The following RASSF6 variants were observed in gnomAD, a reference collection of about 807,000 sequenced individuals.
RASSF6 encodes the protein Ras association domain family member 6.
Under a neutral mutation model 44.0 loss-of-function variants are expected in RASSF6, and 52 were observed. The observed-to-expected ratio is 1.18, with a 90% CI of 0.95 to 1.49. The LOEUF is 1.49. Among genes scored for constraint, RASSF6 ranks in the 40% most tolerant of loss-of-function variants. The probability of loss-of-function intolerance (pLI) is 0.00; values close to 1 mark genes in which losing one functional copy is unlikely to be tolerated. For missense variants in RASSF6, 464 were observed against 393.3 expected (o/e 1.18, Z -1.52); for synonymous variants, 162 against 124.6 (o/e 1.30, Z -2.00).
In RASSF6 at chr4:73,591,127, G is replaced by A. The variant is rs559914941; in HGVS notation, c.287+2324C>T. ...CATACTTCAAAAGAGTTAAATAAGA[G>A]AATTTTTTATATTCTCTATTCTCAC... On this transcript the variant is annotated intron_variant, in intron 4 of 10. Coordinates refer to ENST00000307439, the MANE Select transcript of RASSF6 (RefSeq NM_177532.5). 1.8e-3 allele frequency among the ~76,000 whole-genome samples: 278 copies of A among 152,180 alleles called. 2 individuals carry two copies. Among genetic ancestry groups the A allele is most frequent in the African/African-American group, 6.2e-3 (259 of 41,532 alleles).
intron 1 of RASSF6, among the ~76,000 whole-genome samples, chr4:73,619,689 C>A (rs1485356054): frequency 1.3e-5 from 2 of 152,144 alleles, no homozygotes; most frequent in Admixed American, 6.5e-5. Context: ...TTGAACCTAC[C>A]ACTCTTCTGC....
intron 1 of RASSF6, among the ~76,000 whole-genome samples, chr4:73,617,875 T>A (rs1202750241): frequency 2.6e-5 from 4 of 152,188 alleles, no homozygotes; most frequent in African/African-American, 9.7e-5. Context: ...GGCCTATACT[T>A]GAATATTTTA....
intron 8 of RASSF6, among the ~76,000 whole-genome samples, chr4:73,581,596 C>T (rs1390292215): frequency 1.3e-5 from 2 of 152,182 alleles, no homozygotes; most frequent in African/African-American, 2.4e-5. Flanking sequence ...AACAAGCAAA[C>T]TCTTTCATAT....
At chr4:73,598,170 T>C (rs533534867) in intron 3 of RASSF6, among the ~76,000 whole-genome samples, 75 of 152,350 alleles carry the variant, frequency 4.9e-4, no homozygotes, top group Middle Eastern at 3.4e-3. Context: ...TTCTTTAATA[T>C]TTCAAAATTT....
intron 5 of RASSF6, among the ~76,000 whole-genome samples, chr4:73,587,348 A>G (rs1171074702): frequency 6.6e-6 from 1 of 152,062 alleles, no homozygotes; most frequent in Non-Finnish European, 1.5e-5. Flanking sequence ...AAATAACTCT[A>G]TCAAATATAA....
intron 3 of RASSF6, among the ~76,000 whole-genome samples, chr4:73,596,694 G>A (rs554418416): frequency 4.1e-4 from 62 of 152,222 alleles, no homozygotes; most frequent in Middle Eastern, 3.4e-3. Context: ...AACAAAGCTG[G>A]AGGCATCACA....
chr4:73,606,468 T>C (rs1725642855), intron 2 of RASSF6, among the ~76,000 whole-genome samples: 1 of 152,200 alleles, frequency 6.6e-6, no homozygotes, highest in African/African-American at 2.4e-5. Context: ...TTGGATACTA[T>C]GCCGACTACT....
rs759462356 is a variant in RASSF6 at position 73,615,955 on chromosome 4, A to C, written c.-34-4126T>G. The C allele has an allele frequency of 3.9e-6, 6 of 1,547,384 alleles. No individual in the cohort carries two copies. The South Asian group carries it at 7.1e-5, about 18-fold the overall frequency. On this transcript the variant is annotated intron_variant, in intron 1 of 10. Transcript: ENST00000307439. ...GTGAATTCTAGTACAAATTAAATCA[A>C]ATGGGTCAGTCATTTAAAGTAACTT... is the stretch of plus-strand genomic sequence containing the variant.
At chr4:73,609,711 A>G (rs961068876) in intron 2 of RASSF6, among the ~76,000 whole-genome samples, 2 of 152,192 alleles carry the variant, frequency 1.3e-5, no homozygotes, top group Non-Finnish European at 2.9e-5. Context: ...GAGGGAGCTA[A>G]AAAACTACTT....
At chr4:73,598,866 G>A in intron 2 of RASSF6, 148 bp from the exon 3 acceptor site, 1 of 463,586 alleles carries the variant, frequency 2.2e-6, no homozygotes, top group Non-Finnish European at 3.8e-6. Flanking sequence ...ATAAGTCATT[G>A]GAAGTGGAAG....
At position 73,575,315 on chromosome 4, in the gene RASSF6, T is replaced by A. The variant is rs978727484; in HGVS notation, c.*920A>T. On this transcript the variant is annotated 3_prime_UTR_variant, in exon 11 of 11. Transcript: ENST00000307439. ...TCATTTTTAGTGTTTTTTTTTCAAG[T>A]GGGTTAAACAGATCTGTGAGTACCT... is the stretch of plus-strand genomic sequence containing the variant. 2.0e-5 allele frequency: 3 copies of A among 152,008 alleles called. No homozygotes were observed. The highest frequency in any genetic ancestry group is 7.3e-5 in the African/African-American group (3 of 41,372). 9.4% of individuals were successfully genotyped at this position (152,008 alleles called of 1,614,324 possible).
chr4:73,611,830 C>T lies in RASSF6; in HGVS notation c.-34-1G>A. On this transcript the variant is annotated splice_acceptor_variant, in intron 1 of 10. Coordinates refer to ENST00000307439, the MANE Select transcript of RASSF6 (RefSeq NM_177532.5). LOFTEE classifies it low-confidence loss of function (5UTR_SPLICE). Reference sequence around the variant, plus strand: ...CTTTTTGAGATGGTCTGAGGATATCCTAAACATGAGAATAATATTAATGAT... The same window carrying T: ...CTTTTTGAGATGGTCTGAGGATATCTTAAACATGAGAATAATATTAATGAT... The T allele has an allele frequency of 6.4e-7, 1 of 1,572,780 alleles. No homozygotes were observed. The highest frequency in any genetic ancestry group is 8.7e-7 in the Non-Finnish European group (1 of 1,143,776).
At chr4:73,582,600 T>C (rs1009609651) in intron 6 of RASSF6, among the ~76,000 whole-genome samples, 5 of 152,136 alleles carry the variant, frequency 3.3e-5, no homozygotes, top group Non-Finnish European at 7.4e-5. Flanking sequence ...TGTCACCAGA[T>C]GCATATTTAA....
chr4:73,576,632 G>A lies in RASSF6; in HGVS notation c.821C>T (p.Ala274Val). ...TCATACATCACTGCTAATTTCTTCT[G>A]CATCTTTATCCATGAGGAAAATGCG... ...NARIFLMDKD[A>V]EEISSDVAQY... The change falls in exon 9 of 11, where the codon GCA becomes GTA. Residue 274 changes from alanine (A) to valine (V), a missense_variant. Ala to Val is a moderately conservative substitution (Grantham distance 64, BLOSUM62 0). Coordinates refer to ENST00000307439, the MANE Select transcript of RASSF6 (RefSeq NM_177532.5). 6.2e-7 allele frequency: 1 copy of A among 1,612,626 alleles called. No homozygotes were observed. Among genetic ancestry groups the A allele is most frequent in the Non-Finnish European group, 8.5e-7 (1 of 1,178,818 alleles).
At chr4:73,601,527 G>T (rs1268092375) in intron 2 of RASSF6, among the ~76,000 whole-genome samples, 4 of 152,202 alleles carry the variant, frequency 2.6e-5, no homozygotes, top group Admixed American at 6.5e-5. Flanking sequence ...GATTTTGAAG[G>T]ATTTTGGAGT....
chr4:73,581,416 A>G (rs2149365943), intron 8 of RASSF6, among the ~76,000 whole-genome samples: 1 of 152,282 alleles, frequency 6.6e-6, no homozygotes, highest in South Asian at 2.1e-4. Context: ...CCTGTGCTAA[A>G]AAAGAGGCAA....
chr4:73,572,408 C>T lies in RASSF6; in HGVS notation c.*3827G>A, dbSNP rs188830492. On this transcript the variant is annotated 3_prime_UTR_variant, in exon 11 of 11. Transcript: ENST00000307439. ...CTAAAAGAGTACATTTTTAAATGTT[C>T]TCACCACAAAGAAATTATAAGAGGT... 250 of 152,178 alleles carry T rather than the reference C, an allele frequency of 1.6e-3. 2 individuals are homozygous for T. The highest frequency in any genetic ancestry group is 6.8e-3 in the Middle Eastern group (2 of 294). 9.4% of individuals were successfully genotyped at this position (152,178 alleles called of 1,614,324 possible).
chr4:73,592,560 G>C (rs1479295833), intron 4 of RASSF6, among the ~76,000 whole-genome samples: 2 of 152,150 alleles, frequency 1.3e-5, no homozygotes, highest in African/African-American at 4.8e-5. Context: ...ACTTGTAAAG[G>C]GGTAAGGAAA....
intron 1 of RASSF6, among the ~76,000 whole-genome samples, chr4:73,615,317 G>C (rs1726282444): frequency 6.6e-6 from 1 of 151,638 alleles, no homozygotes; most frequent in African/African-American, 2.4e-5. Flanking sequence ...ACTAAAACCT[G>C]CTAGGGCCCT....
Sources: allele counts gnomAD v4.1 joint callset (sites outside exome capture counted in the v4.1 genomes callset), GRCh38; gene constraint gnomAD v4.1.1; transcripts MANE v1.5; gene names NCBI Gene and HGNC (gene_info 2026-07-23, HGNC 2026-07-21).